COL22A1: variants seen among roughly 807,000 people sequenced by gnomAD.
COL22A1 encodes the protein collagen alpha-1(XXII) chain.
A neutral mutation model predicts 248.9 loss-of-function variants in COL22A1; 221 were observed. That is an observed-to-expected ratio of 0.89 (90% CI 0.80 to 0.99). The LOEUF (loss-of-function observed/expected upper bound fraction) is 0.99, where lower values mean the gene tolerates loss of function less well. Among genes scored for constraint, COL22A1 ranks in the 50% least tolerant of loss-of-function variants. The pLI is 0.00. For synonymous variants in COL22A1, 891 were observed against 793.4 expected, an observed-to-expected ratio of 1.12 and a Z score of -2.07; for missense variants, 2,240 against 2,179.0, an observed-to-expected ratio of 1.03 and a Z score of -0.56.
At chr8:138,609,068 G>C (rs144154760) in intron 56 of COL22A1, among the ~76,000 whole-genome samples, 1 of 152,240 alleles carries the variant, frequency 6.6e-6, no homozygotes, top group Non-Finnish European at 1.5e-5. Context: ...TCACAAATGC[G>C]TTGGATTCAC....
intron 41 of COL22A1, among the ~76,000 whole-genome samples, chr8:138,671,971 C>G (rs558135062): frequency 1.3e-5 from 2 of 152,246 alleles, no homozygotes; most frequent in African/African-American, 4.8e-5. Context: ...AGTAAGGCTT[C>G]CAGTCTACAG....
intron 3 of COL22A1, among the ~76,000 whole-genome samples, chr8:138,858,942 T>C (rs992065592): frequency 6.6e-6 from 1 of 151,958 alleles, no homozygotes; most frequent in Non-Finnish European, 1.5e-5. Flanking sequence ...GTCAGAAACA[T>C]GGTATGACGA....
intron 29 of COL22A1, among the ~76,000 whole-genome samples, chr8:138,715,992 C>T (rs1359085572): frequency 6.6e-6 from 1 of 152,172 alleles, no homozygotes; most frequent in African/African-American, 2.4e-5. Flanking sequence ...CCATCTGCCT[C>T]CTCTGAAAAT....
chr8:138,764,502 C>T (rs545080605), intron 16 of COL22A1, among the ~76,000 whole-genome samples: 13 of 152,214 alleles, frequency 8.5e-5, no homozygotes, highest in African/African-American at 2.4e-5. Flanking sequence ...CTGATGTGAA[C>T]GTAGGGGTGT....
At position 138,725,752 on chromosome 8, in the gene COL22A1, GACACACACACACACACAC is replaced by G. The variant is rs66497386; in HGVS notation, c.2140-330_2140-313del. On this transcript the variant is annotated intron_variant, in intron 23 of 64. Coordinates refer to ENST00000303045, the MANE Select transcript of COL22A1 (RefSeq NM_152888.3). ...ATACATATATGTGTGCACATGTGCAGACACACACACACACACACACACACACACACACACACACACACA... is the reference window on the plus strand; with the variant it reads ...ATACATATATGTGTGCACATGTGCAGACACACACACACACACACACACACA... 6.0e-3 allele frequency among the ~76,000 whole-genome samples: 895 copies of G among 148,664 alleles called. 5 individuals carry two copies. Among genetic ancestry groups the G allele is most frequent in the East Asian group, 5.7e-3 (28 of 4,908 alleles).
chr8:138,758,918 C>T (rs558734764), intron 18 of COL22A1, among the ~76,000 whole-genome samples: 15 of 152,222 alleles, frequency 9.9e-5, no homozygotes, highest in African/African-American at 2.4e-4. Context: ...CACACATAGG[C>T]GGCAGCAAGA....
At chr8:138,603,684 G>C (rs1279420480) in intron 59 of COL22A1, among the ~76,000 whole-genome samples, 3 of 152,176 alleles carry the variant, frequency 2.0e-5, no homozygotes, top group African/African-American at 7.2e-5. Context: ...AGTAAACAAT[G>C]ATTGGGCAAT....
chr8:138,660,383 G>C lies in COL22A1; in HGVS notation c.3285+53C>G, dbSNP rs1170106530. The C allele has an allele frequency of 3.9e-6, 6 of 1,523,118 alleles. No homozygotes were observed. The South Asian group carries it at 5.6e-5, about 14-fold the overall frequency. The allele number at this position is 1,523,118 out of a possible 1,614,324, so 94.4% of individuals were successfully genotyped here. ...CTTTCTGAGTTGCATTTTTTCTCTT[G>C]CTTACGCCCTGACTGATAGTCAATA... is the stretch of plus-strand genomic sequence containing the variant. On this transcript the variant is annotated intron_variant, in intron 44 of 64. Transcript: ENST00000303045.
chr8:138,869,875 G>C (rs1823186159), intron 3 of COL22A1, among the ~76,000 whole-genome samples: 1 of 152,300 alleles, frequency 6.6e-6, no homozygotes, highest in South Asian at 2.1e-4. Flanking sequence ...GGTCCACCCA[G>C]AGGGAACAGC....
chr8:138,891,543 G>A (rs4736220), intron 1 of COL22A1, among the ~76,000 whole-genome samples: 146,100 of 152,282 alleles, frequency 0.96, 70,116 homozygotes, highest in East Asian at 1. Flanking sequence ...AATTCATTTA[G>A]TCTGAACAGT....
Position 138,591,427 on chromosome 8 carries a change from G to A in COL22A1, c.4690C>T (p.Pro1564Ser), listed in dbSNP as rs750479068. ...LRGEMGPPGIPGQPGEPGYAK... is the reference protein window; with the variant it reads ...LRGEMGPPGISGQPGEPGYAK... The stretch of plus-strand genomic sequence containing the variant: ...GAGACTGCAGAATGAGTCATACCTG[G>A]GATTCCAGGGGGTCCCATCTCGCCT... Residue 1564 changes from proline (P) to serine (S), a missense_variant, in exon 64 of 65, where the codon CCA (proline) becomes TCA (serine). By Grantham distance (74) the Pro-to-Ser change is moderately conservative. Coordinates refer to ENST00000303045, the MANE Select transcript of COL22A1 (RefSeq NM_152888.3). The A allele has an allele frequency of 6.3e-7, 1 of 1,579,140 alleles. No homozygotes were observed. Among genetic ancestry groups the A allele is most frequent in the Non-Finnish European group, 8.6e-7 (1 of 1,162,542 alleles).
chr8:138,737,394 C>G, intron 23 of COL22A1, 130 bp downstream of exon 23: 1 of 683,016 alleles, frequency 1.5e-6, no homozygotes. Context: ...GACCCACTGG[C>G]TGTTCTTTTT....
intron 3 of COL22A1, among the ~76,000 whole-genome samples, chr8:138,862,893 T>C (rs1283665555): frequency 1.3e-5 from 2 of 152,126 alleles, no homozygotes; most frequent in Non-Finnish European, 2.9e-5. Flanking sequence ...GCACTTTTCC[T>C]GTATTAATGC....
chr8:138,627,303 G>T (rs1205433346), intron 50 of COL22A1, among the ~76,000 whole-genome samples: 1 of 152,160 alleles, frequency 6.6e-6, no homozygotes, highest in Non-Finnish European at 1.5e-5. Context: ...TCTAGGACTG[G>T]AGTCAGCAAA....
At chr8:138,884,004 C>A (rs558160552) in intron 1 of COL22A1, among the ~76,000 whole-genome samples, 1 of 152,318 alleles carries the variant, frequency 6.6e-6, no homozygotes, top group East Asian at 1.9e-4. Flanking sequence ...CCCCACCATG[C>A]TGCACTTGGT....
intron 21 of COL22A1, among the ~76,000 whole-genome samples, chr8:138,753,567 G>T (rs1356115091): frequency 1.3e-5 from 2 of 152,176 alleles, no homozygotes; most frequent in Non-Finnish European, 2.9e-5. Context: ...CCCTAGAAAT[G>T]GTACGTGCAG....
chr8:138,787,981 C>G (rs1302014879), intron 12 of COL22A1, among the ~76,000 whole-genome samples: 1 of 152,178 alleles, frequency 6.6e-6, no homozygotes, highest in East Asian at 1.9e-4. Context: ...AATTAAATAT[C>G]AGGCCCTATT....
At chr8:138,897,948 G>A (rs1434763372) in intron 1 of COL22A1, among the ~76,000 whole-genome samples, 1 of 152,058 alleles carries the variant, frequency 6.6e-6, no homozygotes, top group East Asian at 1.9e-4. Flanking sequence ...CCACAGATTG[G>A]GTGTCTGGCA....
chr8:138,609,891 T>C lies in COL22A1; in HGVS notation c.3979-1902A>G, dbSNP rs541974699. 3.7e-4 allele frequency among the ~76,000 whole-genome samples: 57 copies of C among 152,312 alleles called. No homozygotes were observed. In the East Asian group the frequency reaches 0.011, roughly 28 times the overall value. ...CTCCTGGGCTGCAGAGCCACTCCTG[T>C]GTCCTGCTGTCCCTCGCCAAGCCCC... On this transcript the variant is annotated intron_variant, in intron 56 of 64. Transcript: ENST00000303045.
Sources: gnomAD v4.1 joint callset for allele counts (sites outside exome capture counted in the v4.1 genomes callset) on GRCh38, gnomAD v4.1.1 for gene constraint, MANE v1.5 for transcripts, NCBI Gene and HGNC (gene_info 2026-07-23, HGNC 2026-07-21) for gene names.